The following UNC5D variants were observed in gnomAD, a reference collection of about 807,000 sequenced individuals.
The protein encoded by UNC5D is unc-5 netrin receptor D, also known as netrin receptor UNC5D.
A neutral mutation model predicts 105.4 loss-of-function variants in UNC5D; 39 were observed. The observed-to-expected ratio is 0.37, with a 90% CI of 0.29 to 0.48. The LOEUF is 0.48. Among genes scored for constraint, UNC5D ranks in the 20% least tolerant of loss-of-function variants. The pLI is 0.98. For synonymous variants in UNC5D, 452 were observed against 450.4 expected, an observed-to-expected ratio of 1.00 and a Z score of -0.04; for missense variants, 991 against 1,202.4, an observed-to-expected ratio of 0.82 and a Z score of 2.60.
At chr8:35,773,055 C>T (rs539293764) in intron 15 of UNC5D, among the ~76,000 whole-genome samples, 1 of 151,994 alleles carries the variant, frequency 6.6e-6, no homozygotes, top group Non-Finnish European at 1.5e-5. Flanking sequence ...TAGGTCAGGC[C>T]CACCCAGAAA....
At chr8:35,620,476 C>A (rs946118535) in intron 4 of UNC5D, among the ~76,000 whole-genome samples, 1 of 152,110 alleles carries the variant, frequency 6.6e-6, no homozygotes, top group East Asian at 1.9e-4. Context: ...ATCACCTCTG[C>A]GACTCATCAT....
At chr8:35,551,088 G>A (rs528482878) in intron 2 of UNC5D, among the ~76,000 whole-genome samples, 5 of 152,210 alleles carry the variant, frequency 3.3e-5, no homozygotes, top group African/African-American at 1.2e-4. Flanking sequence ...ATTGATGTAC[G>A]GGTATGCAGT....
chr8:35,359,996 G>T (rs926131337), intron 1 of UNC5D, among the ~76,000 whole-genome samples: 3 of 152,138 alleles, frequency 2.0e-5, no homozygotes, highest in Admixed American at 2.0e-4. Context: ...ATTATTCTCA[G>T]ACTTACAAAA....
intron 1 of UNC5D, chr8:35,254,919 A>C (rs892709063): frequency 6.6e-6 from 1 of 152,204 alleles, no homozygotes; most frequent in African/African-American, 2.4e-5. Flanking sequence ...AAGAAGCAAA[A>C]ATTTTTGAAA....
intron 1 of UNC5D, among the ~76,000 whole-genome samples, chr8:35,496,182 G>A (rs1043342551): frequency 3.3e-5 from 5 of 152,186 alleles, no homozygotes; most frequent in Non-Finnish European, 7.3e-5. Flanking sequence ...TAGAAACAGA[G>A]CAGGTGAGGT....
At chr8:35,249,002 CAT>C (rs1218312873) in intron 1 of UNC5D, among the ~76,000 whole-genome samples, 2 of 70,152 alleles carry the variant, frequency 2.9e-5, no homozygotes, top group African/African-American at 5.4e-5. Flanking sequence ...TATATATAAA[CAT>C]ATATAATATA....
chr8:35,604,922 G>T (rs1233130416), intron 4 of UNC5D, among the ~76,000 whole-genome samples: 2 of 152,046 alleles, frequency 1.3e-5, no homozygotes, highest in African/African-American at 4.8e-5. Flanking sequence ...TCTCTGCATT[G>T]GTTATTCTAG....
chr8:35,675,577 A>T (rs1825156386), intron 4 of UNC5D, among the ~76,000 whole-genome samples: 1 of 152,162 alleles, frequency 6.6e-6, no homozygotes, highest in Non-Finnish European at 1.5e-5. Context: ...GAGGGCTGGA[A>T]ATGAAGTGTA....
chr8:35,565,208 G>A (rs1817252252), intron 2 of UNC5D, among the ~76,000 whole-genome samples: 1 of 152,164 alleles, frequency 6.6e-6, no homozygotes, highest in Admixed American at 6.5e-5. Flanking sequence ...GCTTACAATA[G>A]TGTGTAACTA....
chr8:35,253,726 T>G (rs1043463915), intron 1 of UNC5D, among the ~76,000 whole-genome samples: 9 of 152,024 alleles, frequency 5.9e-5, no homozygotes, highest in Admixed American at 4.6e-4. Flanking sequence ...CCTGACCTTG[T>G]GATCCGCCCG....
rs191760024 is a variant in UNC5D, at chr8:35,786,205, C to T, written c.2658-4154C>T. Reference sequence around the variant, plus strand: ...CTGATTCTACTATTTTTAATAAGGCCAATATATTCTTCTATGTATATATTA... The same window carrying T: ...CTGATTCTACTATTTTTAATAAGGCTAATATATTCTTCTATGTATATATTA... On this transcript the variant is annotated intron_variant, in intron 16 of 16. Transcript: ENST00000404895. 2.6e-5 allele frequency among the ~76,000 whole-genome samples: 4 copies of T among 152,150 alleles called. No homozygotes were observed. In the East Asian group the frequency reaches 7.7e-4, roughly 29 times the overall value.
intron 1 of UNC5D, among the ~76,000 whole-genome samples, chr8:35,461,048 G>T (rs908113534): frequency 6.6e-6 from 1 of 152,202 alleles, no homozygotes; most frequent in African/African-American, 2.4e-5. Context: ...TCTAGGGATT[G>T]TTGTACTTGA....
At chr8:35,430,422 T>C (rs983803084) in intron 1 of UNC5D, among the ~76,000 whole-genome samples, 1 of 152,116 alleles carries the variant, frequency 6.6e-6, no homozygotes, top group Non-Finnish European at 1.5e-5. Flanking sequence ...AATAAACTGG[T>C]AAACATAAGT....
At chr8:35,433,336 T>G (rs183690592) in intron 1 of UNC5D, among the ~76,000 whole-genome samples, 1 of 152,304 alleles carries the variant, frequency 6.6e-6, no homozygotes, top group Admixed American at 6.5e-5. Flanking sequence ...TTGTTAAGGA[T>G]GTAATATTGA....
chr8:35,631,371 G>T (rs1822032992), intron 4 of UNC5D, among the ~76,000 whole-genome samples: 1 of 152,006 alleles, frequency 6.6e-6, no homozygotes, highest in Non-Finnish European at 1.5e-5. Context: ...CATGAAATGA[G>T]ACTCAGAGAG....
chr8:35,687,436 C>T (rs561563483), intron 7 of UNC5D, among the ~76,000 whole-genome samples: 24 of 134,358 alleles, frequency 1.8e-4, no homozygotes, highest in African/African-American at 5.4e-4. Flanking sequence ...AGTGAGACTC[C>T]GTCTCAAAAA....
At chr8:35,753,293 G>C (rs1830370741) in intron 13 of UNC5D, among the ~76,000 whole-genome samples, 1 of 151,886 alleles carries the variant, frequency 6.6e-6, no homozygotes, top group South Asian at 2.1e-4. Context: ...TTTTGAGATG[G>C]AGTCTCGCTC....
chr8:35,498,084 C>CAAAAAAAAAAAAA (rs58175711), intron 1 of UNC5D, among the ~76,000 whole-genome samples: 7 of 58,188 alleles, frequency 1.2e-4, no homozygotes, highest in Non-Finnish European at 2.4e-4. Flanking sequence ...CAAAACAAAA[C>CAAAAAAAAAAAAA]AAAAAAAAAA....
At chr8:35,516,586 C>T (rs535538805) in intron 1 of UNC5D, among the ~76,000 whole-genome samples, 9 of 152,290 alleles carry the variant, frequency 5.9e-5, no homozygotes, top group Middle Eastern at 3.4e-3. Flanking sequence ...TTGCTCAAGA[C>T]GTAGAATGAA....
Sources: allele counts gnomAD v4.1 joint callset (sites outside exome capture counted in the v4.1 genomes callset), GRCh38; gene constraint gnomAD v4.1.1; transcripts MANE v1.5; gene names NCBI Gene and HGNC (gene_info 2026-07-23, HGNC 2026-07-21).